BBS9: variants seen among roughly 807,000 people sequenced by gnomAD.
The protein encoded by BBS9 is protein PTHB1.
In BBS9, 89 loss-of-function variants were observed where a neutral mutation model predicts 117.7. That is an observed-to-expected ratio of 0.76 (90% CI 0.64 to 0.90). The LOEUF (loss-of-function observed/expected upper bound fraction) is 0.90. Among genes scored for constraint, BBS9 ranks in the 40% least tolerant of loss-of-function variants. The pLI is 0.00. For synonymous variants in BBS9, 379 were observed against 370.9 expected, an observed-to-expected ratio of 1.02 and a Z score of -0.25; for missense variants, 982 against 1,042.2, an observed-to-expected ratio of 0.94 and a Z score of 0.80.
At chr7:33,167,327 G>C (rs1333426044) in intron 4 of BBS9, among the ~76,000 whole-genome samples, 1 of 151,490 alleles carries the variant, frequency 6.6e-6, no homozygotes. Context: ...TATTTTCTTG[G>C]TATTGAATAT....
At chr7:33,571,239 A>G (rs905880779) in intron 21 of BBS9, among the ~76,000 whole-genome samples, 6 of 152,182 alleles carry the variant, frequency 3.9e-5, no homozygotes, top group Admixed American at 1.3e-4. Flanking sequence ...AAACAAATAC[A>G]TACAGATATT....
intron 21 of BBS9, among the ~76,000 whole-genome samples, chr7:33,588,115 G>A: frequency 6.6e-6 from 1 of 152,014 alleles, no homozygotes; most frequent in Non-Finnish European, 1.5e-5. Context: ...GATTCCTACA[G>A]AAATTACTAC....
chr7:33,573,326 G>A lies in BBS9; in HGVS notation c.2522-31539G>A, dbSNP rs184554422. 9.2e-5 allele frequency among the ~76,000 whole-genome samples: 14 copies of A among 152,166 alleles called. 1 individual carries two copies. In the Middle Eastern group the frequency reaches 0.01, roughly 111 times the overall value. ...TGATTCTTCAGTGGACAGGAAAAACGTACGAAGAAGTAAATGTTTATGATT... is the reference window on the plus strand; with the variant it reads ...TGATTCTTCAGTGGACAGGAAAAACATACGAAGAAGTAAATGTTTATGATT... On this transcript the variant is annotated intron_variant, in intron 21 of 22. Coordinates refer to ENST00000242067, the MANE Select transcript of BBS9 (RefSeq NM_198428.3).
chr7:33,620,978 C>T (rs1166444150), intron 21 of BBS9, among the ~76,000 whole-genome samples: 1 of 151,936 alleles, frequency 6.6e-6, no homozygotes, highest in Non-Finnish European at 1.5e-5. Flanking sequence ...TAAGAATACA[C>T]AATGGAGAAA....
intron 5 of BBS9, among the ~76,000 whole-genome samples, chr7:33,217,458 G>C (rs1217092107): frequency 6.6e-6 from 1 of 152,096 alleles, no homozygotes; most frequent in Non-Finnish European, 1.5e-5. Flanking sequence ...TGAGCTTAAA[G>C]CAACTTTGAA....
intron 19 of BBS9, among the ~76,000 whole-genome samples, chr7:33,465,242 A>G (rs1216050998): frequency 6.7e-6 from 1 of 150,176 alleles, no homozygotes; most frequent in Non-Finnish European, 1.5e-5. Context: ...TGTAAGGAAA[A>G]AAAAAAACAT....
chr7:33,361,035 T>A (rs1404452874), intron 16 of BBS9, among the ~76,000 whole-genome samples: 1 of 152,078 alleles, frequency 6.6e-6, no homozygotes, highest in Non-Finnish European at 1.5e-5. Context: ...GGGGAAGAAA[T>A]AGCTATATAG....
At chr7:33,527,531 T>C (rs7789304) in intron 20 of BBS9, among the ~76,000 whole-genome samples, 24 of 152,210 alleles carry the variant, frequency 1.6e-4, no homozygotes, top group African/African-American at 5.8e-4. Context: ...CCGTCACCCC[T>C]TTCTTTGACT....
intron 4 of BBS9, among the ~76,000 whole-genome samples, chr7:33,172,908 A>G (rs1796816231): frequency 6.6e-6 from 1 of 152,226 alleles, no homozygotes. Flanking sequence ...CAAAGGTGTG[A>G]CTTATGCCAA....
chr7:33,220,753 A>G (rs1349779729), intron 5 of BBS9, among the ~76,000 whole-genome samples: 1 of 152,234 alleles, frequency 6.6e-6, no homozygotes, highest in African/African-American at 2.4e-5. Context: ...ACAGACTAGT[A>G]CCAAACAAAT....
At chr7:33,319,108 A>G (rs979361257) in intron 9 of BBS9, among the ~76,000 whole-genome samples, 1 of 151,704 alleles carries the variant, frequency 6.6e-6, no homozygotes, top group Non-Finnish European at 1.5e-5. Context: ...GGTTGCAGTG[A>G]GCCAAGATCG....
intron 5 of BBS9, among the ~76,000 whole-genome samples, chr7:33,189,705 G>C: frequency 6.6e-6 from 1 of 151,508 alleles, no homozygotes; most frequent in Non-Finnish European, 1.5e-5. Context: ...GGCCAACATG[G>C]TGAAACCCCG....
intron 19 of BBS9, among the ~76,000 whole-genome samples, chr7:33,406,100 C>T (rs1411263597): frequency 1.3e-5 from 2 of 152,088 alleles, no homozygotes; most frequent in Non-Finnish European, 2.9e-5. Flanking sequence ...TCGTTATGTA[C>T]CCAGTAGTCA....
intron 17 of BBS9, among the ~76,000 whole-genome samples, chr7:33,371,884 G>A (rs1311199611): frequency 1.3e-5 from 2 of 152,076 alleles, no homozygotes; most frequent in Non-Finnish European, 1.5e-5. Context: ...CAGCATCTAA[G>A]CAACTAAAAA....
intron 5 of BBS9, among the ~76,000 whole-genome samples, chr7:33,249,252 C>T (rs1010106308): frequency 1.3e-5 from 2 of 151,424 alleles, no homozygotes; most frequent in Non-Finnish European, 1.5e-5. Context: ...CACACACACA[C>T]GCGTACACTC....
chr7:33,583,236 T>A (rs1860301040), intron 21 of BBS9, among the ~76,000 whole-genome samples: 1 of 152,126 alleles, frequency 6.6e-6, no homozygotes. Flanking sequence ...CCTTTCTCCC[T>A]ATTTTTATTT....
intron 9 of BBS9, among the ~76,000 whole-genome samples, chr7:33,320,293 T>C (rs1006706889): frequency 6.6e-6 from 1 of 152,154 alleles, no homozygotes; most frequent in Non-Finnish European, 1.5e-5. Context: ...TCTTCATGAA[T>C]TCAATCGTTT....
intron 9 of BBS9, among the ~76,000 whole-genome samples, chr7:33,306,905 G>A (rs1441741056): frequency 2.0e-5 from 3 of 151,990 alleles, no homozygotes; most frequent in Non-Finnish European, 4.4e-5. Context: ...AAAATATCTT[G>A]GCAAATAATT....
intron 21 of BBS9, among the ~76,000 whole-genome samples, chr7:33,543,102 C>T (rs1563333137): frequency 1.3e-5 from 2 of 152,126 alleles, no homozygotes; most frequent in Non-Finnish European, 2.9e-5. Context: ...TCCCTGTTTA[C>T]TGCATCCACG....
Sources: gnomAD v4.1 joint callset for allele counts (sites outside exome capture counted in the v4.1 genomes callset) on GRCh38, gnomAD v4.1.1 for gene constraint, MANE v1.5 for transcripts, NCBI Gene and HGNC (gene_info 2026-07-23, HGNC 2026-07-21) for gene names.